The following KCNK10 variants were observed in gnomAD, a reference collection of about 807,000 sequenced individuals.
KCNK10 encodes potassium two pore domain channel subfamily K member 10.
Under a neutral mutation model 47.7 loss-of-function variants are expected in KCNK10, and 25 were observed. The ratio of observed to expected loss-of-function variants is 0.52; its 90% confidence interval spans 0.38 to 0.73. The LOEUF is 0.73. KCNK10 is among the 30% of genes least tolerant of loss of function. KCNK10 has a pLI of 0.00. For synonymous variants in KCNK10, 303 were observed against 285.6 expected (o/e 1.06, Z -0.61); for missense variants, 563 against 714.5 (o/e 0.79, Z 2.42).
At chr14:88,209,253 T>C (rs913053589) in intron 4 of KCNK10, among the ~76,000 whole-genome samples, 1 of 152,194 alleles carries the variant, frequency 6.6e-6, no homozygotes, top group Non-Finnish European at 1.5e-5. Context: ...GCCCTTGTTT[T>C]CAAGATCTGG....
chr14:88,183,424 C>T lies in KCNK10; in HGVS notation c.*2111G>A, dbSNP rs531505816. On this transcript the variant is annotated 3_prime_UTR_variant, in exon 7 of 7. Coordinates refer to ENST00000319231, the MANE Select transcript of KCNK10 (RefSeq NM_138317.3). ...GAGTGGAAACCAAATAAGTGAGATC[C>T]ATGGACAGTTTAATTAGGAAGCTTC... The T allele has an allele frequency of 6.6e-6, 1 of 152,506 alleles. No individual in the cohort carries two copies. The highest frequency in any genetic ancestry group is 2.4e-5 in the African/African-American group (1 of 41,590). The allele number at this position is 152,506 out of a possible 1,614,324, so 9.4% of individuals were successfully genotyped here. A position where few individuals can be genotyped will look rare whatever the true frequency, so the allele number is the denominator to read the frequency against.
chr14:88,301,623 T>G (rs1173503800), intron 1 of KCNK10, among the ~76,000 whole-genome samples: 2 of 140,630 alleles, frequency 1.4e-5, no homozygotes, highest in South Asian at 2.3e-4. Flanking sequence ...GCCAGTCCTA[T>G]GAAAATTGGG....
intron 1 of KCNK10, among the ~76,000 whole-genome samples, chr14:88,268,339 C>A (rs955897036): frequency 1.3e-5 from 2 of 152,172 alleles, no homozygotes; most frequent in Non-Finnish European, 2.9e-5. Context: ...GAGATCAGGG[C>A]AGCAGCCAGG....
chr14:88,326,343 C>A (rs1279463964), upstream of KCNK10: 1 of 1,304,206 alleles, frequency 7.7e-7, no homozygotes, highest in Non-Finnish European at 1.1e-6. Context: ...AAAACTTAGC[C>A]CTTTGGGCTA....
chr14:88,208,455 C>T (rs1193691336), intron 4 of KCNK10, among the ~76,000 whole-genome samples: 1 of 152,144 alleles, frequency 6.6e-6, no homozygotes, highest in Non-Finnish European at 1.5e-5. Flanking sequence ...AATATAAATA[C>T]AGAATTAAAG....
chr14:88,292,552 T>A (rs1421367664), intron 1 of KCNK10, among the ~76,000 whole-genome samples: 2 of 152,066 alleles, frequency 1.3e-5, no homozygotes, highest in Non-Finnish European at 2.9e-5. Context: ...GGTTTTACCA[T>A]TTTGGCCAGG....
intron 2 of KCNK10, among the ~76,000 whole-genome samples, chr14:88,259,330 G>T (rs1334726110): frequency 1.3e-5 from 2 of 152,208 alleles, no homozygotes; most frequent in African/African-American, 4.8e-5. Context: ...AAAGACTGTA[G>T]ATAAACACAA....
At chr14:88,316,078 C>A (rs1888426022) in intron 1 of KCNK10, among the ~76,000 whole-genome samples, 1 of 152,066 alleles carries the variant, frequency 6.6e-6, no homozygotes, top group Non-Finnish European at 1.5e-5. Flanking sequence ...TAATACAAAA[C>A]CTAAAATCTC....
In KCNK10 at chr14:88,227,397, G is replaced by A; in HGVS notation, c.659C>T (p.Ala220Val). Reference protein sequence around the residue: ...QLGTIFGKSIARVEKVFRKKQ... With the variant: ...QLGTIFGKSIVRVEKVFRKKQ... ...CACTCGAAAGACCTTCTCCACTCTT[G>A]CAATGCTTTTCCCAAAGATGGTTCC... The change falls in exon 4 of 7, where the codon GCA (alanine) becomes GTA (valine). Residue 220 changes from alanine (A) to valine (V), a missense_variant. Coordinates refer to ENST00000319231, the MANE Select transcript of KCNK10 (RefSeq NM_138317.3). 1 of 1,612,230 alleles carries A rather than the reference G, an allele frequency of 6.2e-7. No individual in the cohort carries two copies. The highest frequency in any genetic ancestry group is 1.7e-5 in the Admixed American group (1 of 59,612).
chr14:88,198,692 G>A (rs1193488254), intron 4 of KCNK10, among the ~76,000 whole-genome samples: 3 of 151,940 alleles, frequency 2.0e-5, no homozygotes, highest in Non-Finnish European at 4.4e-5. Flanking sequence ...CAATACACAT[G>A]GCCACTCAAC....
intron 1 of KCNK10, among the ~76,000 whole-genome samples, chr14:88,267,375 C>CTT (rs59088203): frequency 3.1e-3 from 452 of 145,070 alleles, no homozygotes; most frequent in African/African-American, 0.011. Context: ...TTTTCTTTTT[C>CTT]TTTTTTTTTT....
chr14:88,315,731 A>G (rs1188027255), intron 1 of KCNK10, among the ~76,000 whole-genome samples: 1 of 152,128 alleles, frequency 6.6e-6, no homozygotes, highest in Non-Finnish European at 1.5e-5. Context: ...TCACCCGACC[A>G]AATTTTCATT....
intron 3 of KCNK10, among the ~76,000 whole-genome samples, chr14:88,239,304 A>C (rs150976262): frequency 3.9e-5 from 6 of 152,330 alleles, no homozygotes; most frequent in Non-Finnish European, 8.8e-5. Context: ...AAGAGTGGAT[A>C]GTGGAAGAGG....
rs1308975463 is a variant in KCNK10 at position 88,186,776 on chromosome 14, T to G, written c.1012-621A>C. ...CCCTATCTGGGCCATGCTATGGTCA[T>G]GTGCTGTGGGGCTTTCCCTGGTTTA... On this transcript the variant is annotated intron_variant, in intron 6 of 6. Coordinates refer to ENST00000319231, the MANE Select transcript of KCNK10 (RefSeq NM_138317.3). The surrounding 1 kb of genome is among the most constrained non-coding windows in gnomAD (Gnocchi z 5.5). Among the ~76,000 whole-genome samples, 1 of 152,204 alleles carries G rather than the reference T, an allele frequency of 6.6e-6. No homozygotes were observed. The highest frequency in any genetic ancestry group is 6.5e-5 in the Admixed American group (1 of 15,284).
chr14:88,226,168 G>T (rs1052300972), intron 4 of KCNK10, among the ~76,000 whole-genome samples: 1 of 152,208 alleles, frequency 6.6e-6, no homozygotes, highest in Non-Finnish European at 1.5e-5. Flanking sequence ...TGACAAAGTA[G>T]ATTCAAATTC....
chr14:88,312,278 T>G (rs940547505), intron 1 of KCNK10, among the ~76,000 whole-genome samples: 1 of 152,092 alleles, frequency 6.6e-6, no homozygotes, highest in Non-Finnish European at 1.5e-5. Flanking sequence ...TTCCTGGAAA[T>G]CATTTTCTCA....
At chr14:88,274,804 C>G (rs1057189783) in intron 1 of KCNK10, among the ~76,000 whole-genome samples, 2 of 152,102 alleles carry the variant, frequency 1.3e-5, no homozygotes, top group African/African-American at 4.8e-5. Flanking sequence ...ATGCATGCCC[C>G]CTGTGTGCCA....
At chr14:88,269,222 G>A (rs1477304850) in intron 1 of KCNK10, among the ~76,000 whole-genome samples, 1 of 152,176 alleles carries the variant, frequency 6.6e-6, no homozygotes, top group African/African-American at 2.4e-5. Flanking sequence ...GCTTTTTCAT[G>A]GTTGAACAAG....
At chr14:88,285,463 C>T (rs540010801) in intron 1 of KCNK10, among the ~76,000 whole-genome samples, 1 of 152,258 alleles carries the variant, frequency 6.6e-6, no homozygotes, top group Non-Finnish European at 1.5e-5. Context: ...GCCTCTGTCT[C>T]TCCAGAGACT....
Sources: gnomAD v4.1 joint callset for allele counts (sites outside exome capture counted in the v4.1 genomes callset) on GRCh38, gnomAD v4.1.1 for gene constraint, Gnocchi (gnomAD v3.1) non-coding constraint, MANE v1.5 for transcripts, NCBI Gene and HGNC (gene_info 2026-07-23, HGNC 2026-07-21) for gene names.